The following POLH variants were observed in gnomAD, a reference collection of about 807,000 sequenced individuals.
The protein encoded by POLH is DNA polymerase eta.
Under a neutral mutation model 73.6 loss-of-function variants are expected in POLH, and 53 were observed. The ratio of observed to expected loss-of-function variants is 0.72; its 90% CI spans 0.58 to 0.91. POLH has a LOEUF of 0.91. Ranked by LOEUF, POLH falls within the 40% of genes least tolerant of loss-of-function variation. The pLI, the probability that POLH is intolerant of heterozygous loss-of-function variation, is 0.00. For synonymous variants in POLH, 292 were observed against 308.5 expected (o/e 0.95, Z 0.56); for missense variants, 768 against 865.4 (o/e 0.89, Z 1.41).
rs1768400314 is a variant in POLH, at chr6:43,617,134, G to A, written c.*2577G>A. Among the ~76,000 whole-genome samples, 1 of 152,018 alleles carries A rather than the reference G, an allele frequency of 6.6e-6. No homozygotes were observed. Among genetic ancestry groups the A allele is most frequent in the African/African-American group, 2.4e-5 (1 of 41,382 alleles). ...GAACCTGGGAGGCAGAGGTTGCAGT[G>A]AGCCGAGATTTCCACTGCATTCCAG... On this transcript the variant is annotated 3_prime_UTR_variant, in exon 11 of 11. Coordinates refer to ENST00000372236, the MANE Select transcript of POLH (RefSeq NM_006502.3).
intron 5 of POLH, among the ~76,000 whole-genome samples, chr6:43,600,057 C>T (rs1257955697): frequency 6.6e-6 from 1 of 151,772 alleles, no homozygotes; most frequent in Non-Finnish European, 1.5e-5. Flanking sequence ...ACTCAGGAGG[C>T]TGAGGCAGGA....
chr6:43,579,249 T>C (rs930557549), intron 1 of POLH, among the ~76,000 whole-genome samples: 1 of 152,222 alleles, frequency 6.6e-6, no homozygotes, highest in African/African-American at 2.4e-5. Flanking sequence ...AAGACTTTCA[T>C]TTCAGAAGAG....
At chr6:43,582,957 G>A (rs1221833839) in intron 2 of POLH, 50 bp from the exon 3 acceptor site, 1 of 1,509,212 alleles carries the variant, frequency 6.6e-7, no homozygotes, top group East Asian at 2.3e-5. Context: ...ACTTGTTTTT[G>A]CTTGTGATCA....
chr6:43,619,164 C>T lies in POLH; in HGVS notation c.*4607C>T, dbSNP rs1198451321. 6.6e-6 allele frequency among the ~76,000 whole-genome samples: 1 copy of T among 151,722 alleles called. No individual in the cohort carries two copies. Among genetic ancestry groups the T allele is most frequent in the Non-Finnish European group, 1.5e-5 (1 of 67,938 alleles). ...GGCTGAGGTGGGTGGACTACTGGAG[C>T]CCTGGAGTTCAAAACCGGCCTAAGC... is the stretch of plus-strand genomic sequence containing the variant. On this transcript the variant is annotated 3_prime_UTR_variant, in exon 11 of 11. Coordinates refer to ENST00000372236, the MANE Select transcript of POLH (RefSeq NM_006502.3).
chr6:43,609,214 T>C (rs977444680), intron 9 of POLH, among the ~76,000 whole-genome samples: 4 of 152,190 alleles, frequency 2.6e-5, no homozygotes, highest in Admixed American at 1.3e-4. Context: ...CATGTCTATT[T>C]TTTATTATCT....
At chr6:43,605,395 G>A (rs1767158451) in intron 9 of POLH, 76 bp downstream of exon 9, 2 of 740,846 alleles carry the variant, frequency 2.7e-6, no homozygotes, top group Middle Eastern at 2.3e-4. Context: ...TATGGAGCAG[G>A]AACAAAGACA....
chr6:43,597,219 G>A (rs555470654), intron 4 of POLH, among the ~76,000 whole-genome samples: 7 of 152,096 alleles, frequency 4.6e-5, no homozygotes, highest in Non-Finnish European at 7.4e-5. Context: ...GGGTTCAAGC[G>A]AATCTCCTGC....
rs888019165 is a variant in POLH, at chr6:43,618,165, ATTT to A, written c.*3615_*3617del. Among the ~76,000 whole-genome samples the A allele has an allele frequency of 6.6e-6, 1 of 150,670 alleles. No individual in the cohort carries two copies. The highest frequency in any genetic ancestry group is 2.1e-4 in the South Asian group (1 of 4,742). On this transcript the variant is annotated 3_prime_UTR_variant, in exon 11 of 11. Transcript: ENST00000372236. ...ATGTTTATACTACTGTATTATTATT[ATTT>A]TTTTTTGAGATGGAGTCTCGCTGTG...
At chr6:43,590,508 C>T (rs991611405) in intron 4 of POLH, among the ~76,000 whole-genome samples, 1 of 151,614 alleles carries the variant, frequency 6.6e-6, no homozygotes, top group Non-Finnish European at 1.5e-5. Flanking sequence ...GTCACCCAGG[C>T]TGGAGTGCAG....
intron 9 of POLH, among the ~76,000 whole-genome samples, chr6:43,608,574 A>T (rs1767546914): frequency 6.6e-6 from 1 of 152,102 alleles, no homozygotes; most frequent in South Asian, 2.1e-4. Context: ...GTGCTGGAGC[A>T]CAGTAATACA....
chr6:43,577,290 G>T (rs570874831), intron 1 of POLH, among the ~76,000 whole-genome samples: 20 of 152,360 alleles, frequency 1.3e-4, no homozygotes, highest in African/African-American at 4.8e-4. Flanking sequence ...TGTGTGCTTA[G>T]TAAATTGTGT....
At position 43,582,185 on chromosome 6, in the gene POLH, C is replaced by G; in HGVS notation, c.-4-131C>G. 4.8e-6 allele frequency: 4 copies of G among 840,678 alleles called. No homozygotes were observed. In the Admixed American group the frequency reaches 7.3e-5, roughly 15 times the overall value. 52.1% of individuals were successfully genotyped at this position (840,678 alleles called of 1,614,324 possible). Reference sequence around the variant, plus strand: ...ATACTCAACCTGTATATTTAAATGCCTATTTCATTCTTGTTAGTTTCCATG... The same window carrying G: ...ATACTCAACCTGTATATTTAAATGCGTATTTCATTCTTGTTAGTTTCCATG... On this transcript the variant is annotated intron_variant, in intron 1 of 10. Transcript: ENST00000372236.
At position 43,576,219 on chromosome 6, in the gene POLH, C is replaced by G. The variant is rs933682517; in HGVS notation, c.-226C>G. 5.0e-6 allele frequency: 1 copy of G among 201,504 alleles called. No individual in the cohort carries two copies. Among genetic ancestry groups the G allele is most frequent in the Non-Finnish European group, 9.9e-6 (1 of 100,902 alleles). The allele number at this position is 201,504 out of a possible 1,614,324, so 12.5% of individuals were successfully genotyped here. A position where few individuals can be genotyped will look rare whatever the true frequency, so the allele number is the denominator to read the frequency against. On this transcript the variant is annotated 5_prime_UTR_variant, in exon 1 of 11. Coordinates refer to ENST00000372236, the MANE Select transcript of POLH (RefSeq NM_006502.3). Reference sequence around the variant, plus strand: ...GCTGCATTGCTGGGCGCGCCGCTCTCGTCTGATCCCTGCTGGGGACGGTTG... The same window carrying G: ...GCTGCATTGCTGGGCGCGCCGCTCTGGTCTGATCCCTGCTGGGGACGGTTG...
chr6:43,604,002 A>C lies in POLH; in HGVS notation c.875A>C (p.Glu292Ala). 1 of 1,612,980 alleles carries C rather than the reference A, an allele frequency of 6.2e-7. No individual in the cohort carries two copies. Among genetic ancestry groups the C allele is most frequent in the Non-Finnish European group, 8.5e-7 (1 of 1,178,978 alleles). ...TESQLQSHFG[E>A]KNGSWLYAMC... ...TCCCAGCTCCAGAGTCATTTTGGGG[A>C]GAAGAATGGGTAAGTGATTCATTTT... The change falls in exon 7 of 11, where the codon GAG (glutamate) becomes GCG (alanine). Residue 292 changes from glutamate (E) to alanine (A), a missense_variant. Transcript: ENST00000372236.
At chr6:43,592,728 A>G (rs1377195981) in intron 4 of POLH, among the ~76,000 whole-genome samples, 1 of 151,960 alleles carries the variant, frequency 6.6e-6, no homozygotes, top group Non-Finnish European at 1.5e-5. Flanking sequence ...TATTTTCTAA[A>G]ATAGTTATTT....
rs758723352 is a variant in POLH at position 43,582,305 on chromosome 6, T to C, written c.-4-11T>C. On this transcript the variant is annotated splice_polypyrimidine_tract_variant and intron_variant, in intron 1 of 10. Transcript: ENST00000372236. ...TGTTTTTCTAACTGTCCATAAAATG[T>C]TGTGTTACAGAAAAATGGCTACTGG... The C allele has an allele frequency of 1.2e-6, 2 of 1,613,734 alleles. No homozygotes were observed. The highest frequency in any genetic ancestry group is 1.7e-6 in the Non-Finnish European group (2 of 1,179,574).
At chr6:43,591,312 T>G (rs1484417783) in intron 4 of POLH, 4 of 152,176 alleles carry the variant, frequency 2.6e-5, no homozygotes, top group African/African-American at 9.7e-5. Context: ...ATTACATAAC[T>G]TTCTTTTTTT....
rs1452436421 is a variant in POLH at position 43,616,632 on chromosome 6, G to A, written c.*2075G>A. Among the ~76,000 whole-genome samples, 2 of 151,752 alleles carry A rather than the reference G, an allele frequency of 1.3e-5. No individual in the cohort carries two copies. The highest frequency in any genetic ancestry group is 4.8e-5 in the African/African-American group (2 of 41,298). On this transcript the variant is annotated 3_prime_UTR_variant, in exon 11 of 11. Coordinates refer to ENST00000372236, the MANE Select transcript of POLH (RefSeq NM_006502.3). ...AAAAACTTCTCTCTAGCTCTGTGAC[G>A]GGCAGTTCAGATAATACCTTCACCA...
rs1042789177 is a variant in POLH, at chr6:43,602,728, C to T, written c.765-1164C>T. On this transcript the variant is annotated intron_variant, in intron 6 of 10. Coordinates refer to ENST00000372236, the MANE Select transcript of POLH (RefSeq NM_006502.3). Reference sequence around the variant, plus strand: ...TGTTGCCCAGGCTGGAGTGCAGTGGCGCGATATTGGCTCACTGTAGCCTCC... The same window carrying T: ...TGTTGCCCAGGCTGGAGTGCAGTGGTGCGATATTGGCTCACTGTAGCCTCC... Among the ~76,000 whole-genome samples, 17 of 151,730 alleles carry T rather than the reference C, an allele frequency of 1.1e-4. 1 individual carries two copies. Among genetic ancestry groups the T allele is most frequent in the Non-Finnish European group, 2.1e-4 (14 of 67,948 alleles).
Sources: gnomAD v4.1 joint callset for allele counts (sites outside exome capture counted in the v4.1 genomes callset) on GRCh38, gnomAD v4.1.1 for gene constraint, MANE v1.5 for transcripts, NCBI Gene and HGNC (gene_info 2026-07-23, HGNC 2026-07-21) for gene names.